The following CFAP276 variants were observed in gnomAD, a reference collection of about 807,000 sequenced individuals.
CFAP276 encodes the protein cilia and flagella associated protein 276.
chr1:109,107,098 G>A, the CFAP276 span: 16 of 1,614,004 alleles, frequency 9.9e-6, no homozygotes, highest in African/African-American at 2.7e-5. Context: ...GCTGCTAAGC[G>A]GAAGTCCAGG....
the CFAP276 span, chr1:109,106,524 C>T: frequency 1.2e-6 from 2 of 1,613,652 alleles, no homozygotes; most frequent in Non-Finnish European, 1.7e-6. Flanking sequence ...ACCCAGTCCT[C>T]TAACCCTTAC....
At chr1:109,112,823 A>T in the CFAP276 span, 4 of 1,363,766 alleles carry the variant, frequency 2.9e-6, no homozygotes, top group Non-Finnish European at 3.9e-6. Context: ...TGACAGAGGA[A>T]TTCCCTCAGA....
chr1:109,113,423 AGAGAGAGAGAGAGAG>A, the CFAP276 span, among the ~76,000 whole-genome samples: 19 of 62,688 alleles, frequency 3.0e-4, 1 homozygote, highest in Middle Eastern at 7.6e-3. Flanking sequence ...AGAAAGAGAG[AGAGAGAGAGAGAGAG>A]AGAGAGAGAG....
chr1:109,113,776 C>A, the CFAP276 span: 1 of 1,372,978 alleles, frequency 7.3e-7, no homozygotes, highest in Non-Finnish European at 1.0e-6. Context: ...AATTTGTTGG[C>A]TGGCTTGGAG....
chr1:109,106,276 G>A, the CFAP276 span, among the ~76,000 whole-genome samples: 1 of 152,166 alleles, frequency 6.6e-6, no homozygotes, highest in African/African-American at 2.4e-5. Context: ...CCAGGTTTTT[G>A]CCCTTGCTGT....
chr1:109,112,785 G>A, the CFAP276 span: 3 of 1,487,726 alleles, frequency 2.0e-6, no homozygotes, highest in Non-Finnish European at 2.7e-6. Flanking sequence ...CGCTGGTTTC[G>A]GTTGCCAGGC....
At chr1:109,109,087 A>G in the CFAP276 span, among the ~76,000 whole-genome samples, 1 of 152,148 alleles carries the variant, frequency 6.6e-6, no homozygotes, top group Non-Finnish European at 1.5e-5. Flanking sequence ...TACCTAACAC[A>G]TGGTATTAAA....
chr1:109,110,278 G>A, the CFAP276 span, among the ~76,000 whole-genome samples: 1 of 152,254 alleles, frequency 6.6e-6, no homozygotes, highest in African/African-American at 2.4e-5. Flanking sequence ...TACAGAACCA[G>A]ACCTTTTCAG....
the CFAP276 span, chr1:109,106,702 T>C: frequency 6.3e-7 from 1 of 1,599,648 alleles, no homozygotes; most frequent in Admixed American, 1.7e-5. Context: ...GTGAAATCAA[T>C]CAGAGAAAGG....
chr1:109,113,714 T>C, the CFAP276 span: 2 of 1,611,724 alleles, frequency 1.2e-6, no homozygotes, highest in Non-Finnish European at 1.7e-6. Flanking sequence ...GTGTGCAACA[T>C]CGGAGATGCT....
the CFAP276 span, chr1:109,106,782 G>A: frequency 1.7e-6 from 2 of 1,209,118 alleles, no homozygotes; most frequent in Non-Finnish European, 2.3e-6. Flanking sequence ...ACCTCTGTGG[G>A]ATTAACCAAA....
chr1:109,105,985 C>T, the CFAP276 span: 1 of 1,488,172 alleles, frequency 6.7e-7, no homozygotes, highest in South Asian at 1.2e-5. Context: ...TGGAAGTGGG[C>T]CGCAGTATGT....
At chr1:109,106,023 C>A in the CFAP276 span, 1 of 1,610,136 alleles carries the variant, frequency 6.2e-7, no homozygotes, top group South Asian at 1.1e-5. Flanking sequence ...AGGGATCTGT[C>A]AACACTAGGT....
the CFAP276 span, among the ~76,000 whole-genome samples, chr1:109,113,176 G>A: frequency 1.3e-5 from 2 of 152,110 alleles, no homozygotes; most frequent in Non-Finnish European, 2.9e-5. Flanking sequence ...GATCGCTTAA[G>A]CCCAAGAGTT....
At chr1:109,110,640 A>T in the CFAP276 span, among the ~76,000 whole-genome samples, 1 of 152,014 alleles carries the variant, frequency 6.6e-6, no homozygotes, top group African/African-American at 2.4e-5. Flanking sequence ...TACTTTTCTT[A>T]TGCTCACATC....
At chr1:109,113,414 GAA>G in the CFAP276 span, among the ~76,000 whole-genome samples, 91 of 100,562 alleles carry the variant, frequency 9.0e-4, 9 homozygotes, top group African/African-American at 2.7e-3. Context: ...GAGAGAGAGA[GAA>G]AGAGAGAGAG....
At chr1:109,106,501 G>C in the CFAP276 span, 1 of 1,607,972 alleles carries the variant, frequency 6.2e-7, no homozygotes, top group Admixed American at 1.7e-5. Context: ...CTCCCCCACT[G>C]CCCCATCTGC....
At chr1:109,113,382 G>A in the CFAP276 span, among the ~76,000 whole-genome samples, 2 of 149,610 alleles carry the variant, frequency 1.3e-5, no homozygotes, top group East Asian at 3.9e-4. Context: ...GAGAGAGTGA[G>A]ACCCTGTCTC....
chr1:109,107,364 TG>T, the CFAP276 span, among the ~76,000 whole-genome samples: 13 of 152,234 alleles, frequency 8.5e-5, no homozygotes, highest in Non-Finnish European at 1.5e-4. Context: ...GTTCCTGATG[TG>T]GGCTTAATGA....
Sources: allele counts gnomAD v4.1 joint callset (sites outside exome capture counted in the v4.1 genomes callset), GRCh38; gene constraint gnomAD v4.1.1; transcripts MANE v1.5; gene names NCBI Gene and HGNC (gene_info 2026-07-23, HGNC 2026-07-21).